Variants in USP25 observed in about 807,000 individuals in gnomAD.
USP25 encodes ubiquitin specific peptidase 25, also known as ubiquitin carboxyl-terminal hydrolase 25.
Under a neutral mutation model 158.5 loss-of-function variants are expected in USP25, and 85 were observed. The ratio of observed to expected loss-of-function variants is 0.54; its 90% CI spans 0.45 to 0.64. The LOEUF is 0.64. Among genes scored for constraint, USP25 ranks in the 30% least tolerant of loss-of-function variants. The pLI, the probability that USP25 is intolerant of heterozygous loss-of-function variation, is 0.00. For missense variants in USP25, 1,242 were observed against 1,327.3 expected (o/e 0.94, Z 1.00); for synonymous variants, 464 against 460.4 (o/e 1.01, Z -0.10).
At position 15,831,490 on chromosome 21, in the gene USP25, C is replaced by T. The variant is rs1233014307; in HGVS notation, c.1854C>T (p.Ser618=). Residue 618 remains serine, a synonymous_variant, in exon 16 of 26, where the codon AGC becomes AGT. Transcript: ENST00000400183. ...CATATATTTTTGATCATCGTGAAAG[C>T]AGATGGATGAAGTACAATGATATTG... The part of the protein sequence containing the change: ...YWAYIFDHRE[S]RWMKYNDIAV... 1.2e-6 allele frequency: 2 copies of T among 1,613,998 alleles called. No individual in the cohort carries two copies. The highest frequency in any genetic ancestry group is 1.7e-6 in the Non-Finnish European group (2 of 1,179,954).
In USP25 at chr21:15,831,499, G is replaced by A. The variant is rs752791211; in HGVS notation, c.1863G>A (p.Met621Ile). The A allele has an allele frequency of 6.2e-7, 1 of 1,613,992 alleles. No homozygotes were observed. Among genetic ancestry groups the A allele is most frequent in the Non-Finnish European group, 8.5e-7 (1 of 1,179,976 alleles). The change falls in exon 16 of 26, where the codon ATG becomes ATA. Residue 621 changes from methionine (M) to isoleucine (I), a missense_variant. Met to Ile is a conservative substitution (Grantham distance 10). This residue lies in a region of USP25 where 608 missense variants were observed against 605.2 expected (regional missense o/e 1.00). Coordinates refer to ENST00000400183, the MANE Select transcript of USP25 (RefSeq NM_001283041.3). ...TTGATCATCGTGAAAGCAGATGGAT[G>A]AAGTACAATGATATTGCTGTGACAA... ...YIFDHRESRW[M>I]KYNDIAVTKS...
chr21:15,870,787 G>A (rs1240481394), intron 23 of USP25, among the ~76,000 whole-genome samples: 1 of 152,052 alleles, frequency 6.6e-6, no homozygotes, highest in African/African-American at 2.4e-5. Flanking sequence ...CAAGTAAAAG[G>A]GATATTGAAT....
chr21:15,833,676 T>C, intron 17 of USP25, 128 bp downstream of exon 17: 1 of 831,478 alleles, frequency 1.2e-6, no homozygotes. Context: ...TCAAATTCCA[T>C]CACTCAGATT....
At chr21:15,787,104 T>C (rs934830784) in intron 4 of USP25, among the ~76,000 whole-genome samples, 2 of 151,976 alleles carry the variant, frequency 1.3e-5, no homozygotes, top group Admixed American at 6.6e-5. Flanking sequence ...AGGAAAGAAA[T>C]ATAAGACACA....
At chr21:15,852,190 AAAT>A (rs1448225379) in intron 20 of USP25, among the ~76,000 whole-genome samples, 1 of 152,140 alleles carries the variant, frequency 6.6e-6, no homozygotes, top group Non-Finnish European at 1.5e-5. Context: ...CAGATGTTAA[AAAT>A]AATTACTACA....
At chr21:15,851,298 CAGTT>C (rs1169894227) in intron 20 of USP25, among the ~76,000 whole-genome samples, 2 of 152,006 alleles carry the variant, frequency 1.3e-5, no homozygotes, top group African/African-American at 4.8e-5. Flanking sequence ...TATATTACAA[CAGTT>C]AGTAAGCCCC....
chr21:15,791,497 T>C lies in USP25; in HGVS notation c.393-5T>C. On this transcript the variant is annotated splice_polypyrimidine_tract_variant and splice_region_variant and intron_variant, in intron 4 of 25. Coordinates refer to ENST00000400183, the MANE Select transcript of USP25 (RefSeq NM_001283041.3). ...ATGCTGCATTTTTTTCCACCATTGATTAAGAGTTCTTGAAGCCAGCATAGC... is the reference window on the plus strand; with the variant it reads ...ATGCTGCATTTTTTTCCACCATTGACTAAGAGTTCTTGAAGCCAGCATAGC... 2 of 1,596,942 alleles carry C rather than the reference T, an allele frequency of 1.3e-6. No individual in the cohort carries two copies. The highest frequency in any genetic ancestry group is 2.3e-5 in the South Asian group (2 of 87,580).
At chr21:15,796,113 T>G (rs1221122456) in intron 5 of USP25, among the ~76,000 whole-genome samples, 1 of 151,612 alleles carries the variant, frequency 6.6e-6, no homozygotes, top group Non-Finnish European at 1.5e-5. Flanking sequence ...GAAAGGATGG[T>G]TATTTTCAGG....
intron 20 of USP25, among the ~76,000 whole-genome samples, chr21:15,857,303 A>G (rs1377081427): frequency 6.6e-6 from 1 of 152,212 alleles, no homozygotes; most frequent in African/African-American, 2.4e-5. Flanking sequence ...TATTTTCAAT[A>G]TCGTGAACAT....
intron 5 of USP25, among the ~76,000 whole-genome samples, chr21:15,798,670 GT>G (rs2035981013): frequency 6.6e-6 from 1 of 151,236 alleles, no homozygotes; most frequent in Admixed American, 6.6e-5. Context: ...TTTATTTTAT[GT>G]GCTTATATTG....
Position 15,805,244 on chromosome 21 carries a change from A to G in USP25, c.766A>G (p.Asn256Asp), listed in dbSNP as rs1211770493. ...VEILKDAFKS[N>D]DSQQQDVSEF... is the part of the protein sequence containing the mutation. The stretch of plus-strand genomic sequence containing the variant: ...AATTCTTAAGGATGCTTTCAAATCA[A>G]ATGACTCACAGCAGGTAGTTCTGTT... Residue 256 changes from asparagine (N) to aspartate (D), a missense_variant, in exon 7 of 26, where the codon AAT (asparagine) becomes GAT (aspartate). Physicochemically the swap from Asn to Asp is conservative, Grantham distance 23. Coordinates refer to ENST00000400183, the MANE Select transcript of USP25 (RefSeq NM_001283041.3). The G allele has an allele frequency of 3.1e-6, 5 of 1,602,046 alleles. No individual in the cohort carries two copies. The highest frequency in any genetic ancestry group is 4.3e-6 in the Non-Finnish European group (5 of 1,175,900).
rs552313685 is a variant in USP25 at position 15,878,787 on chromosome 21, G to A, written c.*312G>A. On this transcript the variant is annotated 3_prime_UTR_variant, in exon 26 of 26. Coordinates refer to ENST00000400183, the MANE Select transcript of USP25 (RefSeq NM_001283041.3). ...TGCTTTTATCTTTTCTTTCTCAACAGCTTTCCATTCAGTCTGGATCCTTCC... is the reference window on the plus strand; with the variant it reads ...TGCTTTTATCTTTTCTTTCTCAACAACTTTCCATTCAGTCTGGATCCTTCC... 4.3e-6 allele frequency: 1 copy of A among 234,542 alleles called. No homozygotes were observed. The highest frequency in any genetic ancestry group is 2.3e-5 in the African/African-American group (1 of 43,896). 14.5% of individuals were successfully genotyped at this position (234,542 alleles called of 1,614,324 possible).
chr21:15,854,361 G>T (rs1260109626), intron 20 of USP25, among the ~76,000 whole-genome samples: 1 of 152,000 alleles, frequency 6.6e-6, no homozygotes, highest in African/African-American at 2.4e-5. Context: ...GGCCAGGCTG[G>T]CCTCAAACTC....
Position 15,805,220 on chromosome 21 carries a change from A to ATTCT in USP25, c.744_747dup (p.Lys250SerfsTer2). The ATTCT allele has an allele frequency of 6.2e-7, 1 of 1,606,506 alleles. No homozygotes were observed. Among genetic ancestry groups the ATTCT allele is most frequent in the Non-Finnish European group, 8.5e-7 (1 of 1,177,242 alleles). On this transcript the variant is annotated frameshift_variant, in exon 7 of 26. Transcript: ENST00000400183. LOFTEE classifies it high-confidence loss of function. ...TGTTGATCCATCAAGAGCAGTTGAA[A>ATTCT]TTCTTAAGGATGCTTTCAAATCAAA...
At chr21:15,769,332 A>T (rs1181328677) in intron 3 of USP25, among the ~76,000 whole-genome samples, 1 of 152,144 alleles carries the variant, frequency 6.6e-6, no homozygotes, top group Non-Finnish European at 1.5e-5. Flanking sequence ...TGCATAAAAA[A>T]GAATTTAGAA....
chr21:15,829,412 A>T (rs914675510), intron 14 of USP25, among the ~76,000 whole-genome samples: 1 of 152,154 alleles, frequency 6.6e-6, no homozygotes, highest in Non-Finnish European at 1.5e-5. Flanking sequence ...CTGTTTTAAA[A>T]TTGTCACTCC....
chr21:15,811,874 A>G (rs945726123), intron 9 of USP25, among the ~76,000 whole-genome samples: 2 of 152,124 alleles, frequency 1.3e-5, no homozygotes, highest in Admixed American at 6.5e-5. Context: ...ACATCACCCA[A>G]TGCATCAACT....
chr21:15,802,014 C>G (rs1450422369), intron 6 of USP25, among the ~76,000 whole-genome samples: 1 of 151,382 alleles, frequency 6.6e-6, no homozygotes, highest in African/African-American at 2.4e-5. Context: ...ATAATAGATC[C>G]TTGATGTAAT....
chr21:15,870,700 G>A (rs566147870), intron 23 of USP25, among the ~76,000 whole-genome samples: 3 of 152,058 alleles, frequency 2.0e-5, no homozygotes, highest in East Asian at 1.9e-4. Flanking sequence ...TTCTTAATGC[G>A]TGTTGTTGAA....
Sources: allele counts gnomAD v4.1 joint callset (sites outside exome capture counted in the v4.1 genomes callset), GRCh38; gene constraint gnomAD v4.1.1; regional missense constraint gnomAD v4.1.1; transcripts MANE v1.5; gene names NCBI Gene and HGNC (gene_info 2026-07-23, HGNC 2026-07-21).